PRKD1: variants seen among roughly 807,000 people sequenced by gnomAD.
PRKD1 encodes the protein protein kinase D1, also known as serine/threonine-protein kinase D1.
Under a neutral mutation model 95.9 loss-of-function variants are expected in PRKD1, and 63 were observed. The observed-to-expected ratio is 0.66, with a 90% CI of 0.54 to 0.81. PRKD1 has a LOEUF of 0.81. PRKD1 is among the 30% of genes least tolerant of loss of function. The probability of loss-of-function intolerance (pLI) is 0.00; values close to 1 mark genes in which losing one functional copy is unlikely to be tolerated. For synonymous variants in PRKD1, 425 were observed against 423.1 expected (o/e 1.00, Z -0.05); for missense variants, 1,048 against 1,165.3 (o/e 0.90, Z 1.47).
At chr14:29,599,590 T>A in intron 14 of PRKD1, 66 bp downstream of exon 14, 2 of 1,458,316 alleles carry the variant, frequency 1.4e-6, no homozygotes, top group Non-Finnish European at 1.9e-6. Flanking sequence ...TAGAAAGCTG[T>A]AGTTAAACAG....
At chr14:29,583,685 T>A (rs1402922864) in intron 16 of PRKD1, among the ~76,000 whole-genome samples, 1 of 122,670 alleles carries the variant, frequency 8.2e-6, no homozygotes, top group Non-Finnish European at 1.8e-5. Context: ...TGGGAAGTCT[T>A]TTTTTTCTCT....
At chr14:29,837,766 G>C (rs973851593) in intron 1 of PRKD1, among the ~76,000 whole-genome samples, 1 of 152,168 alleles carries the variant, frequency 6.6e-6, no homozygotes, top group East Asian at 1.9e-4. Context: ...CCATCAGTAA[G>C]AGTCATTAAG....
At chr14:29,750,310 C>T (rs1446584306) in intron 1 of PRKD1, among the ~76,000 whole-genome samples, 1 of 152,070 alleles carries the variant, frequency 6.6e-6, no homozygotes, top group African/African-American at 2.4e-5. Flanking sequence ...TAATGTATAA[C>T]AAAACCAATT....
chr14:29,604,237 G>T (rs1893626635), intron 13 of PRKD1, among the ~76,000 whole-genome samples: 1 of 151,978 alleles, frequency 6.6e-6, no homozygotes, highest in Non-Finnish European at 1.5e-5. Context: ...TAACATTGTT[G>T]CTTTATTGTA....
At chr14:29,869,295 T>G (rs570740260) in intron 1 of PRKD1, among the ~76,000 whole-genome samples, 1 of 151,948 alleles carries the variant, frequency 6.6e-6, no homozygotes, top group African/African-American at 2.4e-5. Context: ...ATACAAAAAT[T>G]AGTTGGGCAT....
intron 2 of PRKD1, among the ~76,000 whole-genome samples, chr14:29,717,068 C>T (rs1885646741): frequency 6.6e-6 from 1 of 152,004 alleles, no homozygotes; most frequent in African/African-American, 2.4e-5. Flanking sequence ...TAATAAAATT[C>T]AATTCCTATA....
intron 8 of PRKD1, 124 bp downstream of exon 8, chr14:29,634,294 G>GT (rs1880218643): frequency 1.4e-6 from 2 of 1,410,948 alleles, no homozygotes; most frequent in South Asian, 2.5e-5. Context: ...ACCTAATCCC[G>GT]TGTCATGCCT....
intron 2 of PRKD1, among the ~76,000 whole-genome samples, chr14:29,686,692 T>C (rs943207191): frequency 6.6e-6 from 1 of 152,228 alleles, no homozygotes; most frequent in African/African-American, 2.4e-5. Context: ...AGATGATTAG[T>C]AGACTGCTCT....
chr14:29,630,470 T>C (rs79561126), intron 10 of PRKD1: 4,382 of 411,440 alleles, frequency 0.011, 122 homozygotes, highest in African/African-American at 0.063. Context: ...CCAATAGCTC[T>C]AGAGGTCTGT....
intron 1 of PRKD1, among the ~76,000 whole-genome samples, chr14:29,913,312 T>G (rs1329295801): frequency 6.6e-6 from 1 of 152,222 alleles, no homozygotes; most frequent in Admixed American, 6.5e-5. Flanking sequence ...GGCCAAAAGG[T>G]AATAAAATGT....
At chr14:29,614,856 A>ATTTTTTTTTTTTTTTTTTTTT (rs55917722) in intron 13 of PRKD1, among the ~76,000 whole-genome samples, 1 of 115,676 alleles carries the variant, frequency 8.6e-6, no homozygotes. Context: ...TGCCCAGCTA[A>ATTTTTTTTTTTTTTTTTTTTT]TTTTTTTTTT....
At chr14:29,614,597 T>C (rs1377785506) in intron 13 of PRKD1, among the ~76,000 whole-genome samples, 1 of 152,092 alleles carries the variant, frequency 6.6e-6, no homozygotes, top group Non-Finnish European at 1.5e-5. Context: ...AATATCTATA[T>C]AGTTATATAA....
At chr14:29,700,037 C>T (rs891336713) in intron 2 of PRKD1, among the ~76,000 whole-genome samples, 1 of 151,588 alleles carries the variant, frequency 6.6e-6, no homozygotes, top group African/African-American at 2.4e-5. Context: ...CCATTTCCCA[C>T]ACTAGGTTCA....
At chr14:29,790,114 C>T (rs747612595) in intron 1 of PRKD1, among the ~76,000 whole-genome samples, 14 of 148,214 alleles carry the variant, frequency 9.4e-5, no homozygotes, top group Non-Finnish European at 1.6e-4. Context: ...TGGGCTCAAG[C>T]GATTCTCCTG....
At chr14:29,683,151 C>T (rs887199165) in intron 2 of PRKD1, among the ~76,000 whole-genome samples, 1 of 152,104 alleles carries the variant, frequency 6.6e-6, no homozygotes, top group Non-Finnish European at 1.5e-5. Context: ...AGATGGACTA[C>T]AGAGCAGTGA....
At chr14:29,687,300 A>T (rs1259725906) in intron 2 of PRKD1, among the ~76,000 whole-genome samples, 1 of 152,246 alleles carries the variant, frequency 6.6e-6, no homozygotes, top group Admixed American at 6.5e-5. Flanking sequence ...TACCAGCAGT[A>T]CTAAAGTCCA....
chr14:29,792,538 C>G (rs1197507373), intron 1 of PRKD1, among the ~76,000 whole-genome samples: 3 of 152,042 alleles, frequency 2.0e-5, no homozygotes, highest in Non-Finnish European at 4.4e-5. Context: ...CAAAGCTTGG[C>G]ACAATTTGTG....
chr14:29,874,814 T>G (rs1893229705), intron 1 of PRKD1, among the ~76,000 whole-genome samples: 1 of 152,048 alleles, frequency 6.6e-6, no homozygotes, highest in Non-Finnish European at 1.5e-5. Flanking sequence ...GAAAATAGAA[T>G]GACAGATAGA....
intron 2 of PRKD1, among the ~76,000 whole-genome samples, chr14:29,688,948 CAAAA>C (rs377212196): frequency 1.2e-4 from 4 of 32,488 alleles, no homozygotes; most frequent in Non-Finnish European, 1.9e-4. Context: ...GACTCCGTCT[CAAAA>C]AAAAAAAAAA....
Sources: allele counts gnomAD v4.1 joint callset (sites outside exome capture counted in the v4.1 genomes callset), GRCh38; gene constraint gnomAD v4.1.1; transcripts MANE v1.5; gene names NCBI Gene and HGNC (gene_info 2026-07-23, HGNC 2026-07-21).